ALLC: variants seen among roughly 807,000 people sequenced by gnomAD.
ALLC encodes the protein probable inactive allantoicase.
A neutral mutation model predicts 45.0 loss-of-function variants in ALLC; 40 were observed. The observed-to-expected ratio is 0.89, with a 90% CI of 0.69 to 1.16. The LOEUF (loss-of-function observed/expected upper bound fraction) is 1.16. Ranked by LOEUF, ALLC falls within the 50% of genes most tolerant of loss-of-function variation. ALLC has a pLI of 0.00. For synonymous variants in ALLC, 176 were observed against 178.1 expected (o/e 0.99, Z 0.09); for missense variants, 488 against 493.1 (o/e 0.99, Z 0.10).
At chr2:3,650,384 G>A in the ALLC span, among the ~76,000 whole-genome samples, 1 of 152,228 alleles carries the variant, frequency 6.6e-6, no homozygotes, top group Admixed American at 6.5e-5. Flanking sequence ...TGGCCCCTGA[G>A]TTGACCCAGG....
At chr2:3,684,514 C>T (rs1374343833) in intron 7 of ALLC, among the ~76,000 whole-genome samples, 2 of 152,098 alleles carry the variant, frequency 1.3e-5, no homozygotes, top group Non-Finnish European at 2.9e-5. Flanking sequence ...TTGGTGCACC[C>T]ATCACCAGAG....
chr2:3,690,246 C>T (rs140827749), intron 7 of ALLC, among the ~76,000 whole-genome samples: 1 of 68,414 alleles, frequency 1.5e-5, no homozygotes, highest in Non-Finnish European at 2.9e-5. Context: ...CTGATCCCCT[C>T]CCCTTCCCTT....
Position 3,676,568 on chromosome 2 carries a change from C to T in ALLC, c.85-1900C>T, listed in dbSNP as rs537432871. On this transcript the variant is annotated intron_variant, in intron 3 of 11. Transcript: ENST00000252505. The stretch of plus-strand genomic sequence containing the variant: ...GGCCCTAAACCTGCTTTTCTCACTG[C>T]GTGTTTGTGAATGCCATTGGTGCTG... Among the ~76,000 whole-genome samples the T allele has an allele frequency of 9.9e-5, 15 of 152,156 alleles. No homozygotes were observed. The East Asian group carries it at 1.7e-3, about 18-fold the overall frequency.
At chr2:3,651,421 GT>G in the ALLC span, among the ~76,000 whole-genome samples, 7 of 57,030 alleles carry the variant, frequency 1.2e-4, no homozygotes, top group Non-Finnish European at 1.6e-4. Flanking sequence ...GTGTGTGTGT[GT>G]GTGTGTGTGT....
rs529678088 is a variant in ALLC at position 3,680,813 on chromosome 2, A to G, written c.298+819A>G. On this transcript the variant is annotated intron_variant, in intron 5 of 11. Coordinates refer to ENST00000252505, the MANE Select transcript of ALLC (RefSeq NM_018436.4). The surrounding 1 kb of genome is among the most constrained non-coding windows in gnomAD (Gnocchi z 4.0). Reference sequence around the variant, plus strand: ...TTTGTGCGATAATATCAAGGTTGACATGTTCTGGACTAAGGACAGTAAATC... The same window carrying G: ...TTTGTGCGATAATATCAAGGTTGACGTGTTCTGGACTAAGGACAGTAAATC... Among the ~76,000 whole-genome samples the G allele has an allele frequency of 1.2e-4, 19 of 152,264 alleles. No individual in the cohort carries two copies. The highest frequency in any genetic ancestry group is 4.6e-4 in the African/African-American group (19 of 41,544).
chr2:3,681,049 G>T (rs1208921221), intron 5 of ALLC, among the ~76,000 whole-genome samples: 1 of 152,172 alleles, frequency 6.6e-6, no homozygotes, highest in Non-Finnish European at 1.5e-5. Flanking sequence ...GTCAATGTGG[G>T]TTGGCAAGTT....
At chr2:3,653,453 G>A (rs1666380172), upstream of ALLC, among the ~76,000 whole-genome samples, 1 of 152,230 alleles carries the variant, frequency 6.6e-6, no homozygotes, top group African/African-American at 2.4e-5. This position sits in a 1 kb window ranked among gnomAD's most constrained non-coding sequence, Gnocchi z 4.1. Flanking sequence ...GTGTTGAACT[G>A]AAGGCCTGGT....
intron 10 of ALLC, among the ~76,000 whole-genome samples, chr2:3,700,402 G>A (rs1275626125): frequency 6.6e-6 from 1 of 151,988 alleles, no homozygotes; most frequent in Non-Finnish European, 1.5e-5. Flanking sequence ...CATTTTTTAT[G>A]GTATCTTTAA....
At chr2:3,690,272 TCCCCTCCCCCTCC>T (rs1667449739) in intron 7 of ALLC, among the ~76,000 whole-genome samples, 1 of 1,336 alleles carries the variant, frequency 7.5e-4, no homozygotes, top group Admixed American at 8.8e-3. Context: ...CCCTCCCCCC[TCCCCTCCCCCTCC>T]CCCTCCCCTC....
rs1238967110 is a variant in ALLC at position 3,687,575 on chromosome 2, C to T, written c.511+4501C>T. On this transcript the variant is annotated intron_variant, in intron 7 of 11. Transcript: ENST00000252505. The stretch of plus-strand genomic sequence containing the variant: ...GGAAGCCATTAGGTCCTGGAATTTT[C>T]TTTAATGGGAGACTTTTTAAATTTC... 1.3e-5 allele frequency among the ~76,000 whole-genome samples: 2 copies of T among 150,832 alleles called. 1 individual carries two copies. Among genetic ancestry groups the T allele is most frequent in the Non-Finnish European group, 3.0e-5 (2 of 67,504 alleles).
chr2:3,691,403 A>G (rs1667514161), intron 7 of ALLC, among the ~76,000 whole-genome samples: 2 of 151,586 alleles, frequency 1.3e-5, no homozygotes, highest in African/African-American at 2.4e-5. Flanking sequence ...ACTGGTGCAC[A>G]CCACCATGCC....
intron 3 of ALLC, among the ~76,000 whole-genome samples, chr2:3,675,678 T>C (rs1203177242): frequency 6.6e-6 from 1 of 152,176 alleles, no homozygotes; most frequent in Non-Finnish European, 1.5e-5. Context: ...GAGACACATA[T>C]ATTTCTCCTT....
chr2:3,698,781 C>A (rs1043503230), intron 10 of ALLC, among the ~76,000 whole-genome samples: 38 of 137,846 alleles, frequency 2.8e-4, no homozygotes, highest in Non-Finnish European at 5.5e-4. Flanking sequence ...TTTAATTATA[C>A]TTTAAGTTTT....
rs761845524 is a variant in ALLC at position 3,691,104 on chromosome 2, TA to T, written c.512-4612del. On this transcript the variant is annotated intron_variant, in intron 7 of 11. Coordinates refer to ENST00000252505, the MANE Select transcript of ALLC (RefSeq NM_018436.4). The stretch of plus-strand genomic sequence containing the variant: ...TAGATACAATATTCTTGGATGGCAG[TA>T]TTTTTTTCTTTCAGCACTTTAAAAT... 5.3e-5 allele frequency among the ~76,000 whole-genome samples: 8 copies of T among 152,342 alleles called. No homozygotes were observed. The East Asian group carries it at 1.2e-3, about 22-fold the overall frequency.
chr2:3,659,066 T>G (rs1374504250), intron 1 of ALLC, among the ~76,000 whole-genome samples: 2 of 152,162 alleles, frequency 1.3e-5, no homozygotes, highest in Non-Finnish European at 2.9e-5. Flanking sequence ...GTCCCAAATT[T>G]GAACAAACCA....
At chr2:3,648,387 C>T in the ALLC span, among the ~76,000 whole-genome samples, 1 of 152,200 alleles carries the variant, frequency 6.6e-6, no homozygotes, top group Non-Finnish European at 1.5e-5. Flanking sequence ...CTGACACTGG[C>T]AAAGCTCTCG....
upstream of ALLC, among the ~76,000 whole-genome samples, chr2:3,657,489 A>T (rs768334515): frequency 1.3e-5 from 2 of 151,852 alleles, no homozygotes; most frequent in Non-Finnish European, 2.9e-5. Flanking sequence ...CTCCCTGCGC[A>T]GGTGACCTCG....
At chr2:3,674,024 G>T (rs967406825) in intron 2 of ALLC, 51 bp from the exon 3 acceptor site, 4 of 1,312,076 alleles carry the variant, frequency 3.0e-6, no homozygotes, top group Admixed American at 2.2e-5. Flanking sequence ...GAAATAAAAT[G>T]GTATCAGATT....
rs559287986 is a variant in ALLC at position 3,701,313 on chromosome 2, G to A, written c.851-199G>A. 5.9e-5 allele frequency among the ~76,000 whole-genome samples: 9 copies of A among 152,250 alleles called. No individual in the cohort carries two copies. In the East Asian group the frequency reaches 1.7e-3, roughly 29 times the overall value. On this transcript the variant is annotated intron_variant, in intron 10 of 11. Coordinates refer to ENST00000252505, the MANE Select transcript of ALLC (RefSeq NM_018436.4). ...CTTCTGAGTCCTCTGAAAAAGAAAT[G>A]TCTATTTCATGAGACAATCTGAGCC...
Sources: allele counts gnomAD v4.1 joint callset (sites outside exome capture counted in the v4.1 genomes callset), GRCh38; gene constraint gnomAD v4.1.1; non-coding constraint Gnocchi (gnomAD v3.1); transcripts MANE v1.5; gene names NCBI Gene and HGNC (gene_info 2026-07-23, HGNC 2026-07-21).